Variants in RBM15 observed in about 807,000 individuals in gnomAD.
RBM15 encodes the protein RNA-binding protein 15.
In RBM15, 8 loss-of-function variants were observed where a neutral mutation model predicts 62.6. The observed-to-expected ratio is 0.13, with a 90% CI of 0.07 to 0.23. The LOEUF (loss-of-function observed/expected upper bound fraction) is 0.23. Among genes scored for constraint, RBM15 ranks in the 10% least tolerant of loss-of-function variants. RBM15 has a pLI of 1.00. For synonymous variants in RBM15, 606 were observed against 505.7 expected (o/e 1.20, Z -2.66); for missense variants, 1,144 against 1,286.5 (o/e 0.89, Z 1.69).
At position 110,341,862 on chromosome 1, in the gene RBM15, G is replaced by C; in HGVS notation, c.2457G>C (p.Glu819Asp). 1 of 1,614,242 alleles carries C rather than the reference G, an allele frequency of 6.2e-7. No homozygotes were observed. The highest frequency in any genetic ancestry group is 8.5e-7 in the Non-Finnish European group (1 of 1,180,044). ...AAGTGGCTAGTAGTCTTCTTGTGGA[G>C]GGTTCAACTGGAGGCAAAGTGGCCC... is the stretch of plus-strand genomic sequence containing the variant. ...DLQVASSLLV[E>D]GSTGGKVAQL... is the part of the protein sequence containing the mutation. The change falls in exon 1 of 3, where the codon GAG becomes GAC. Residue 819 changes from glutamate (E) to aspartate (D), a missense_variant. This residue lies in a region of RBM15 where 144 missense variants were observed against 223.3 expected (regional missense o/e 0.64). Coordinates refer to ENST00000369784, the MANE Select transcript of RBM15 (RefSeq NM_022768.5). The surrounding 1 kb of genome is among the most constrained non-coding windows in gnomAD (Gnocchi z 4.5).
At chr1:110,345,238 C>T (rs1166852423) in intron 1 of RBM15, among the ~76,000 whole-genome samples, 3 of 152,086 alleles carry the variant, frequency 2.0e-5, no homozygotes, top group Non-Finnish European at 4.4e-5. Flanking sequence ...TAATAAGAGT[C>T]AGGTGTTTGG....
At position 110,341,446 on chromosome 1, in the gene RBM15, C is replaced by A. The variant is rs137944396; in HGVS notation, c.2041C>A (p.Arg681=). 1,113 of 1,614,102 alleles carry A rather than the reference C, an allele frequency of 6.9e-4. 2 individuals are homozygous for A. In the African/African-American group the frequency reaches 8.7e-3, roughly 13 times the overall value. The part of the protein sequence containing the change: ...PDRSPELSSS[R]DRYNSDNDRS... ...CCGCAGTCCAGAATTGAGCAGTAGC[C>A]GGGATCGTTACAACAGCGACAATGA... Residue 681 remains arginine, a synonymous_variant, in exon 1 of 3, where the codon CGG becomes AGG. Transcript: ENST00000369784. The surrounding 1 kb of genome is among the most constrained non-coding windows in gnomAD (Gnocchi z 4.5).
chr1:110,339,899 A>T lies in RBM15; in HGVS notation c.494A>T (p.Asp165Val). 6.2e-7 allele frequency: 1 copy of T among 1,604,582 alleles called. No homozygotes were observed. Among genetic ancestry groups the T allele is most frequent in the Non-Finnish European group, 8.5e-7 (1 of 1,172,410 alleles). ...GAASSAPGGG[D>V]GAEYKTLKIS... ...GCCTCCTCAGCTCCCGGCGGCGGGG[A>T]CGGCGCGGAATACAAGACTCTGAAG... Residue 165 changes from aspartate (D) to valine (V), a missense_variant, in exon 1 of 3, where the codon GAC (aspartate) becomes GTC (valine). By Grantham distance (152) the Asp-to-Val change is radical. This residue lies in a region of RBM15 where 298 missense variants were observed against 250.0 expected (regional missense o/e 1.19). Coordinates refer to ENST00000369784, the MANE Select transcript of RBM15 (RefSeq NM_022768.5).
Position 110,340,002 on chromosome 1 carries a change from T to C in RBM15, c.597T>C (p.Asp199=), listed in dbSNP as rs145450732. The change falls in exon 1 of 3, where the codon GAT becomes GAC. Residue 199 remains aspartate (D), a synonymous_variant. Transcript: ENST00000369784. This position sits in a 1 kb window ranked among gnomAD's most constrained non-coding sequence, Gnocchi z 5.8. ...GLFHEFKRFG[D]VSVKISHLSG... ...TTCATGAGTTCAAACGCTTCGGTGA[T>C]GTAAGTGTGAAAATCAGTCATCTGT... 4.3e-6 allele frequency: 7 copies of C among 1,613,914 alleles called. No individual in the cohort carries two copies. The highest frequency in any genetic ancestry group is 5.9e-6 in the Non-Finnish European group (7 of 1,180,012).
rs769024544 is a variant in RBM15, at chr1:110,339,501, T to C, written c.96T>C (p.Thr32=). ...AAACGAGCGCGGGGCGGCGGGTTAC[T>C]CAGCTCCGCGGAGACGACCTCCGAC... ...LCETSAGRRV[T]QLRGDDLRRP... is the part of the protein sequence containing the mutation. Residue 32 remains threonine (T), a synonymous_variant, in exon 1 of 3, where the codon ACT becomes ACC. Transcript: ENST00000369784. 7.5e-6 allele frequency: 12 copies of C among 1,592,756 alleles called. No individual in the cohort carries two copies. The highest frequency in any genetic ancestry group is 1.7e-4 in the Middle Eastern group (1 of 5,992).
At position 110,339,537 on chromosome 1, in the gene RBM15, A is replaced by C. The variant is rs769504889; in HGVS notation, c.132A>C (p.Thr44=). ...LRGDDLRRPA[T]MKGKERSPVK... The stretch of plus-strand genomic sequence containing the variant: ...GAGACGACCTCCGACGACCCGCAAC[A>C]ATGAAGGGAAAAGAGCGCTCGCCAG... Residue 44 remains threonine (T), a synonymous_variant, in exon 1 of 3, where the codon ACA becomes ACC. Coordinates refer to ENST00000369784, the MANE Select transcript of RBM15 (RefSeq NM_022768.5). 20 of 1,603,724 alleles carry C rather than the reference A, an allele frequency of 1.2e-5. No homozygotes were observed. Among genetic ancestry groups the C allele is most frequent in the Non-Finnish European group, 1.4e-5 (17 of 1,172,748 alleles).
At chr1:110,344,297 T>C (rs1660858257) in intron 1 of RBM15, among the ~76,000 whole-genome samples, 1 of 152,228 alleles carries the variant, frequency 6.6e-6, no homozygotes, top group African/African-American at 2.4e-5. Context: ...TTTGTTGAGA[T>C]AGTTGGACAA....
Position 110,340,190 on chromosome 1 carries a change from A to G in RBM15, c.785A>G (p.Asp262Gly), listed in dbSNP as rs765781906. Residue 262 changes from aspartate to glycine, a missense_variant, in exon 1 of 3, where the codon GAC becomes GGC. Physicochemically the swap from Asp to Gly is moderately conservative, Grantham distance 94. Around this residue, in one of 8 missense-constraint regions of RBM15, gnomAD observed 188 missense variants for 185.6 expected, o/e 1.01. Coordinates refer to ENST00000369784, the MANE Select transcript of RBM15 (RefSeq NM_022768.5). The surrounding 1 kb of genome is among the most constrained non-coding windows in gnomAD (Gnocchi z 5.8). ...CGGCGCCGCAGCCGCTCCCCTTTAG[A>G]CAAAGATACTTATCCTCCATCAGCC... ...VSRRRSRSPL[D>G]KDTYPPSASV... The G allele has an allele frequency of 6.2e-7, 1 of 1,614,124 alleles. No homozygotes were observed. Among genetic ancestry groups the G allele is most frequent in the Middle Eastern group, 1.7e-4 (1 of 6,060 alleles).
chr1:110,340,065 G>A lies in RBM15; in HGVS notation c.660G>A (p.Val220=). ...GCGGGGATGAGCGGGTAGCCTTTGT[G>A]AACTTCCGGCGGCCAGAGGACGCGC... ...SGSGDERVAF[V]NFRRPEDARA... is the part of the protein sequence containing the mutation. Residue 220 remains valine (V), a synonymous_variant, in exon 1 of 3, where the codon GTG becomes GTA. Transcript: ENST00000369784. This position sits in a 1 kb window ranked among gnomAD's most constrained non-coding sequence, Gnocchi z 5.8. The A allele has an allele frequency of 6.2e-7, 1 of 1,614,020 alleles. No homozygotes were observed. The highest frequency in any genetic ancestry group is 8.5e-7 in the Non-Finnish European group (1 of 1,180,030).
chr1:110,339,561 A>G lies in RBM15; in HGVS notation c.156A>G (p.Pro52=). 1.2e-6 allele frequency: 2 copies of G among 1,605,142 alleles called. No homozygotes were observed. The highest frequency in any genetic ancestry group is 1.7e-6 in the Non-Finnish European group (2 of 1,173,352). Residue 52 remains proline (P), a synonymous_variant, in exon 1 of 3, where the codon CCA becomes CCG. Transcript: ENST00000369784. ...CAATGAAGGGAAAAGAGCGCTCGCC[A>G]GTGAAGGCCAAACGCTCCCGTGGTG... ...PATMKGKERS[P]VKAKRSRGGE...
rs1660903023 is a variant in RBM15 at position 110,346,559 on chromosome 1, A to G, written c.*292A>G. 3 of 550,870 alleles carry G rather than the reference A, an allele frequency of 5.4e-6. No homozygotes were observed. Among genetic ancestry groups the G allele is most frequent in the Non-Finnish European group, 9.6e-6 (3 of 313,862 alleles). The allele number at this position is 550,870 out of a possible 1,614,324, so 34.1% of individuals were successfully genotyped here. Reference sequence around the variant, plus strand: ...TGCTGTGTACACAAGATTTCTGGAAAAGTAAAGAAAAACCCTTTTTATGGC... The same window carrying G: ...TGCTGTGTACACAAGATTTCTGGAAGAGTAAAGAAAAACCCTTTTTATGGC... On this transcript the variant is annotated 3_prime_UTR_variant, in exon 3 of 3. Transcript: ENST00000369784.
At chr1:110,342,430 A>G (rs564817639) in intron 1 of RBM15, 162 bp downstream of exon 1, 14 of 535,798 alleles carry the variant, frequency 2.6e-5, no homozygotes, top group Middle Eastern at 5.0e-4. Flanking sequence ...AATAGAAATC[A>G]GGACAGTTTA....
Position 110,340,183 on chromosome 1 carries a change from C to T in RBM15, c.778C>T (p.Pro260Ser). The change falls in exon 1 of 3, where the codon CCT becomes TCT. Residue 260 changes from proline to serine, a missense_variant. By Grantham distance (74) the Pro-to-Ser change is moderately conservative. Coordinates refer to ENST00000369784, the MANE Select transcript of RBM15 (RefSeq NM_022768.5). This position sits in a 1 kb window ranked among gnomAD's most constrained non-coding sequence, Gnocchi z 5.8. ...TGTGAGCCGGCGCCGCAGCCGCTCC[C>T]CTTTAGACAAAGATACTTATCCTCC... is the stretch of plus-strand genomic sequence containing the variant. The part of the protein sequence containing the change: ...VYVSRRRSRS[P>S]LDKDTYPPSA... The T allele has an allele frequency of 6.2e-7, 1 of 1,614,094 alleles. No individual in the cohort carries two copies. Among genetic ancestry groups the T allele is most frequent in the South Asian group, 1.1e-5 (1 of 91,090 alleles).
chr1:110,345,475 C>A lies in RBM15; in HGVS notation c.2864-64C>A, dbSNP rs1660878221. ...CCTCTTGAGAAGAGGGCCTTAATGA[C>A]CTTTTATGTGAAAAAAATTTTGGAG... On this transcript the variant is annotated intron_variant, in intron 1 of 2. Coordinates refer to ENST00000369784, the MANE Select transcript of RBM15 (RefSeq NM_022768.5). 6.3e-6 allele frequency: 7 copies of A among 1,104,492 alleles called. No individual in the cohort carries two copies. In the South Asian group the frequency reaches 8.9e-5, roughly 14 times the overall value. The allele number at this position is 1,104,492 out of a possible 1,614,324, so 68.4% of individuals were successfully genotyped here.
In RBM15 at chr1:110,339,609, T is replaced by C; in HGVS notation, c.204T>C (p.Gly68=). ...SRGGEDSTSR[G]ERSKKLGGSG... ...GTGGTGAGGACTCGACTTCCCGCGG[T>C]GAGCGGAGCAAGAAGTTAGGGGGCT... Residue 68 remains glycine, a synonymous_variant, in exon 1 of 3, where the codon GGT becomes GGC. Transcript: ENST00000369784. 6.2e-7 allele frequency: 1 copy of C among 1,610,230 alleles called. No homozygotes were observed. The highest frequency in any genetic ancestry group is 8.5e-7 in the Non-Finnish European group (1 of 1,177,448).
intron 2 of RBM15, 116 bp from the exon 3 acceptor site, chr1:110,346,192 A>T: frequency 9.5e-7 from 1 of 1,048,700 alleles, no homozygotes; most frequent in Non-Finnish European, 1.4e-6. Context: ...GAGGTGAACC[A>T]TCCAGGAAGG....
chr1:110,344,285 C>G (rs1460791703), intron 1 of RBM15, among the ~76,000 whole-genome samples: 1 of 152,122 alleles, frequency 6.6e-6, no homozygotes, highest in Non-Finnish European at 1.5e-5. Context: ...TTTTGAATAT[C>G]TTTTGTTGAG....
rs1557890943 is a variant in RBM15 at position 110,340,179 on chromosome 1, C to T, written c.774C>T (p.Arg258=). 1.2e-6 allele frequency: 2 copies of T among 1,614,092 alleles called. No homozygotes were observed. The highest frequency in any genetic ancestry group is 2.7e-5 in the African/African-American group (2 of 75,058). Residue 258 remains arginine, a synonymous_variant, in exon 1 of 3, where the codon CGC becomes CGT. Transcript: ENST00000369784. The surrounding 1 kb of genome is among the most constrained non-coding windows in gnomAD (Gnocchi z 5.8). ...TGTATGTGAGCCGGCGCCGCAGCCG[C>T]TCCCCTTTAGACAAAGATACTTATC... The part of the protein sequence containing the change: ...EAVYVSRRRS[R]SPLDKDTYPP...
intron 1 of RBM15, 74 bp from the exon 2 acceptor site, chr1:110,345,465 G>T: frequency 1.1e-6 from 1 of 931,992 alleles, no homozygotes; most frequent in Non-Finnish European, 1.8e-6. Context: ...TGAGAAGAGG[G>T]CCTTAATGAC....
Sources: gnomAD v4.1 joint callset for allele counts (sites outside exome capture counted in the v4.1 genomes callset) on GRCh38, gnomAD v4.1.1 for gene constraint, gnomAD v4.1.1 regional missense constraint, Gnocchi (gnomAD v3.1) non-coding constraint, MANE v1.5 for transcripts, NCBI Gene and HGNC (gene_info 2026-07-23, HGNC 2026-07-21) for gene names.